The following ETV6 variants were observed in gnomAD, a reference collection of about 807,000 sequenced individuals.
ETV6 encodes ETS variant transcription factor 6.
Under a neutral mutation model 51.1 loss-of-function variants are expected in ETV6, and 16 were observed. That is an observed-to-expected ratio of 0.31 (90% confidence interval 0.21 to 0.48). ETV6 has a LOEUF of 0.48. Ranked by LOEUF, ETV6 falls within the 20% of genes least tolerant of loss-of-function variation. ETV6 has a pLI of 0.99. For synonymous variants in ETV6, 240 were observed against 224.1 expected (o/e 1.07, Z -0.64); for missense variants, 458 against 594.8 (o/e 0.77, Z 2.39).
chr12:11,670,656 C>T (rs571771046), intron 1 of ETV6, among the ~76,000 whole-genome samples: 4 of 152,190 alleles, frequency 2.6e-5, no homozygotes, highest in Non-Finnish European at 5.9e-5. Flanking sequence ...AGCTCACACT[C>T]TTCTGAGTAT....
At chr12:11,673,472 T>C (rs1196024163) in intron 1 of ETV6, among the ~76,000 whole-genome samples, 1 of 152,156 alleles carries the variant, frequency 6.6e-6, no homozygotes, top group Non-Finnish European at 1.5e-5. Flanking sequence ...GGAGAGACCA[T>C]GGAAGAGTTC....
chr12:11,692,825 G>A (rs1438045977), intron 1 of ETV6, among the ~76,000 whole-genome samples: 1 of 152,120 alleles, frequency 6.6e-6, no homozygotes, highest in African/African-American at 2.4e-5. Flanking sequence ...TGAGGCGGAT[G>A]GATTGCCTGA....
intron 1 of ETV6, among the ~76,000 whole-genome samples, chr12:11,747,788 A>G (rs1284682101): frequency 3.3e-5 from 5 of 152,224 alleles, no homozygotes; most frequent in African/African-American, 1.2e-4. Context: ...ATTTCAGCGT[A>G]TTCAATTTTT....
intron 1 of ETV6, among the ~76,000 whole-genome samples, chr12:11,680,338 A>G (rs1273545365): frequency 6.6e-6 from 1 of 152,128 alleles, no homozygotes; most frequent in Non-Finnish European, 1.5e-5. Context: ...GTTATTTAGT[A>G]TTTTCATTGT....
chr12:11,664,074 C>T (rs901578143), intron 1 of ETV6, among the ~76,000 whole-genome samples: 3 of 152,162 alleles, frequency 2.0e-5, no homozygotes, highest in African/African-American at 2.4e-5. Context: ...TGGGTTCCCA[C>T]GTTGGCAAAG....
intron 1 of ETV6, among the ~76,000 whole-genome samples, chr12:11,675,478 G>A (rs994486631): frequency 1.3e-5 from 2 of 152,130 alleles, no homozygotes; most frequent in African/African-American, 4.8e-5. Flanking sequence ...ACATTCAGAA[G>A]AAATGTTCAT....
intron 2 of ETV6, among the ~76,000 whole-genome samples, chr12:11,756,941 G>A (rs1004439450): frequency 2.6e-5 from 4 of 152,174 alleles, no homozygotes; most frequent in Non-Finnish European, 5.9e-5. Context: ...TTCACATTTA[G>A]TTGACATTGC....
intron 2 of ETV6, among the ~76,000 whole-genome samples, chr12:11,830,004 G>T (rs2136450914): frequency 6.6e-6 from 1 of 152,302 alleles, no homozygotes; most frequent in South Asian, 2.1e-4. Flanking sequence ...TGGGGGTTTT[G>T]AGCAGATTTG....
At chr12:11,802,110 C>G (rs2136404165) in intron 2 of ETV6, among the ~76,000 whole-genome samples, 1 of 152,282 alleles carries the variant, frequency 6.6e-6, no homozygotes, top group East Asian at 1.9e-4. Context: ...TTGGTTAGGC[C>G]ACTGCCGGGG....
At chr12:11,864,853 A>T (rs1374466272) in intron 4 of ETV6, among the ~76,000 whole-genome samples, 2 of 152,164 alleles carry the variant, frequency 1.3e-5, no homozygotes, top group Non-Finnish European at 2.9e-5. Context: ...AGTTTTGATG[A>T]TCAACTCAAG....
chr12:11,725,728 G>A (rs746541989), intron 1 of ETV6, among the ~76,000 whole-genome samples: 2 of 152,072 alleles, frequency 1.3e-5, no homozygotes, highest in Non-Finnish European at 2.9e-5. Flanking sequence ...GTGAGTTCTC[G>A]CTCTGTTAGT....
chr12:11,784,416 G>A (rs1291124712), intron 2 of ETV6, among the ~76,000 whole-genome samples: 1 of 148,170 alleles, frequency 6.7e-6, no homozygotes, highest in Non-Finnish European at 1.5e-5. Context: ...CCGAGATCAC[G>A]CCACTGCACT....
chr12:11,878,482 C>T (rs1163825258), intron 5 of ETV6, among the ~76,000 whole-genome samples: 2 of 152,106 alleles, frequency 1.3e-5, no homozygotes, highest in African/African-American at 2.4e-5. Context: ...GTTCTGACTG[C>T]GGGCTGGATC....
chr12:11,750,152 G>A (rs1293701161), intron 1 of ETV6, among the ~76,000 whole-genome samples: 1 of 152,202 alleles, frequency 6.6e-6, no homozygotes, highest in Non-Finnish European at 1.5e-5. Flanking sequence ...GAAGTGTGGT[G>A]TTTCACCGTA....
chr12:11,658,621 A>G (rs1864045792), intron 1 of ETV6, among the ~76,000 whole-genome samples: 1 of 152,202 alleles, frequency 6.6e-6, no homozygotes, highest in African/African-American at 2.4e-5. Context: ...CTCCCGAGTC[A>G]GCTGACTCCC....
chr12:11,835,901 G>C (rs1355200147), intron 2 of ETV6, among the ~76,000 whole-genome samples: 1 of 152,146 alleles, frequency 6.6e-6, no homozygotes, highest in Non-Finnish European at 1.5e-5. Context: ...TCATTACTAG[G>C]GTTATGTGAC....
chr12:11,666,972 T>C (rs1325662188), intron 1 of ETV6, among the ~76,000 whole-genome samples: 1 of 152,192 alleles, frequency 6.6e-6, no homozygotes, highest in East Asian at 1.9e-4. Context: ...CGAGGGCTTG[T>C]GCAGTAGGTT....
intron 1 of ETV6, among the ~76,000 whole-genome samples, chr12:11,716,000 C>G (rs140269574): frequency 6.6e-6 from 1 of 152,158 alleles, no homozygotes; most frequent in Non-Finnish European, 1.5e-5. Context: ...AAGGAATTTG[C>G]GGAACACTCT....
intron 1 of ETV6, among the ~76,000 whole-genome samples, chr12:11,707,606 T>C (rs903656302): frequency 5.9e-5 from 9 of 152,220 alleles, no homozygotes; most frequent in African/African-American, 2.2e-4. Context: ...TTTTAGTGTA[T>C]GGAAAGAATG....
Sources: allele counts gnomAD v4.1 joint callset (sites outside exome capture counted in the v4.1 genomes callset), GRCh38; gene constraint gnomAD v4.1.1; transcripts MANE v1.5; gene names NCBI Gene and HGNC (gene_info 2026-07-23, HGNC 2026-07-21).